The following FOXN2 variants were observed in gnomAD, a reference collection of about 807,000 sequenced individuals.
FOXN2 encodes forkhead box protein N2.
Under a neutral mutation model 41.2 loss-of-function variants are expected in FOXN2, and 19 were observed. That is an observed-to-expected ratio of 0.46 (90% confidence interval 0.32 to 0.68). The LOEUF (loss-of-function observed/expected upper bound fraction) is 0.68. FOXN2 is among the 30% of genes least tolerant of loss of function. The probability of loss-of-function intolerance (pLI) is 0.03; values close to 1 mark genes in which losing one functional copy is unlikely to be tolerated. For missense variants in FOXN2, 587 were observed against 509.4 expected (o/e 1.15, Z -1.47); for synonymous variants, 195 against 176.8 (o/e 1.10, Z -0.82).
intron 2 of FOXN2, chr2:48,340,562 A>T (rs576774319): frequency 2.0e-5 from 3 of 152,204 alleles, no homozygotes; most frequent in African/African-American, 7.2e-5. Context: ...TCTTCTCAAG[A>T]TACCGCCATG....
intron 5 of FOXN2, among the ~76,000 whole-genome samples, chr2:48,370,323 C>T (rs1672807087): frequency 6.6e-6 from 1 of 152,204 alleles, no homozygotes; most frequent in African/African-American, 2.4e-5. Flanking sequence ...TCCTAAAAGA[C>T]AGGAATTGGA....
chr2:48,337,874 A>C (rs983950525), intron 2 of FOXN2, among the ~76,000 whole-genome samples: 12 of 152,338 alleles, frequency 7.9e-5, no homozygotes, highest in African/African-American at 2.6e-4. Flanking sequence ...AAGTTTTTCC[A>C]GTATAGCAGG....
At chr2:48,374,752 A>T (rs533520001) in intron 6 of FOXN2, among the ~76,000 whole-genome samples, 168 bp from the exon 7 acceptor site, 3 of 152,242 alleles carry the variant, frequency 2.0e-5, no homozygotes, top group African/African-American at 7.2e-5. Flanking sequence ...AAATGTTTCA[A>T]ATTAATGCTT....
At chr2:48,359,618 TTTTC>T (rs1558634776) in intron 4 of FOXN2, among the ~76,000 whole-genome samples, 30 of 146,320 alleles carry the variant, frequency 2.1e-4, no homozygotes, top group African/African-American at 6.9e-4. Flanking sequence ...TTTTCTTTTC[TTTTC>T]TTTTTTTAAG....
At chr2:48,372,946 A>G (rs1673007967) in intron 5 of FOXN2, among the ~76,000 whole-genome samples, 1 of 151,084 alleles carries the variant, frequency 6.6e-6, no homozygotes, top group South Asian at 2.1e-4. Flanking sequence ...AGGAGTAACG[A>G]TGTACATTCT....
In FOXN2 at chr2:48,346,247, G is replaced by C. The variant is rs1025746762; in HGVS notation, c.33G>C (p.Lys11Asn). The C allele has an allele frequency of 6.2e-7, 1 of 1,613,040 alleles. No homozygotes were observed. The highest frequency in any genetic ancestry group is 1.3e-5 in the African/African-American group (1 of 74,766). Residue 11 changes from lysine (K) to asparagine (N), a missense_variant, in exon 3 of 7, where the codon AAG (lysine) becomes AAC (asparagine). Transcript: ENST00000340553. Reference protein sequence around the residue: MGPVIGMTPDKRAETPGAEKI... With the variant: MGPVIGMTPDNRAETPGAEKI... ...CAGTAATTGGAATGACTCCAGATAA[G>C]AGAGCTGAAACCCCAGGAGCTGAAA...
chr2:48,319,036 T>C (rs148002750), intron 1 of FOXN2, among the ~76,000 whole-genome samples: 8 of 152,352 alleles, frequency 5.3e-5, no homozygotes, highest in African/African-American at 1.9e-4. Context: ...ATCCCTGGGA[T>C]AGTTTAATTA....
At chr2:48,358,299 A>C (rs140088204) in intron 3 of FOXN2, among the ~76,000 whole-genome samples, 1 of 151,924 alleles carries the variant, frequency 6.6e-6, no homozygotes, top group African/African-American at 2.4e-5. Context: ...ATATTCACCT[A>C]TTTTGCAGCT....
At chr2:48,365,447 A>G (rs1419295132) in intron 5 of FOXN2, among the ~76,000 whole-genome samples, 1 of 152,230 alleles carries the variant, frequency 6.6e-6, no homozygotes, top group Non-Finnish European at 1.5e-5. Flanking sequence ...CAGTTCGTAT[A>G]CATATCTTGA....
At chr2:48,339,857 C>T (rs924977730) in intron 2 of FOXN2, among the ~76,000 whole-genome samples, 1 of 152,064 alleles carries the variant, frequency 6.6e-6, no homozygotes, top group Non-Finnish European at 1.5e-5. Flanking sequence ...CTTGTAATAG[C>T]CCCAAACATA....
chr2:48,362,567 A>T (rs1224365381), intron 4 of FOXN2, 76 bp from the exon 5 acceptor site: 2 of 1,300,722 alleles, frequency 1.5e-6, no homozygotes, highest in Non-Finnish European at 2.2e-6. Context: ...AGTGAGAGAG[A>T]ACCTGTCAAA....
At chr2:48,364,280 G>A (rs1672385123) in intron 5 of FOXN2, among the ~76,000 whole-genome samples, 1 of 151,784 alleles carries the variant, frequency 6.6e-6, no homozygotes, top group Non-Finnish European at 1.5e-5. Context: ...CAGGCCAGAG[G>A]GCAATGGCAC....
intron 5 of FOXN2, among the ~76,000 whole-genome samples, chr2:48,367,679 G>A (rs1404672496): frequency 6.6e-6 from 1 of 152,078 alleles, no homozygotes; most frequent in Non-Finnish European, 1.5e-5. Flanking sequence ...TACACAAATG[G>A]ACTGAGAGTC....
At chr2:48,342,605 A>G (rs1670849364) in intron 2 of FOXN2, among the ~76,000 whole-genome samples, 1 of 152,012 alleles carries the variant, frequency 6.6e-6, no homozygotes, top group East Asian at 1.9e-4. Context: ...TTTGTTTGCT[A>G]TTTGTATTTA....
intron 3 of FOXN2, among the ~76,000 whole-genome samples, chr2:48,357,725 C>T (rs968951045): frequency 2.6e-5 from 4 of 151,868 alleles, no homozygotes; most frequent in Middle Eastern, 3.2e-3. Flanking sequence ...CGTGAGCCAC[C>T]GCACCTGGCC....
chr2:48,368,958 G>GGC (rs1672708958), intron 5 of FOXN2, among the ~76,000 whole-genome samples: 1 of 152,102 alleles, frequency 6.6e-6, no homozygotes, highest in African/African-American at 2.4e-5. Flanking sequence ...ATAAGATACA[G>GGC]GCAAAATCCT....
At chr2:48,369,995 G>C (rs1672782571) in intron 5 of FOXN2, among the ~76,000 whole-genome samples, 1 of 151,044 alleles carries the variant, frequency 6.6e-6, no homozygotes, top group Admixed American at 6.6e-5. Context: ...GGGAGACCTT[G>C]TATCTCAAAA....
chr2:48,319,718 C>T (rs1005822276), intron 1 of FOXN2, among the ~76,000 whole-genome samples: 2 of 150,408 alleles, frequency 1.3e-5, no homozygotes, highest in African/African-American at 4.9e-5. Flanking sequence ...TCAAGTGATC[C>T]TCCTGCCTCA....
intron 4 of FOXN2, among the ~76,000 whole-genome samples, chr2:48,362,384 G>A (rs1672247061): frequency 6.6e-6 from 1 of 152,070 alleles, no homozygotes; most frequent in Non-Finnish European, 1.5e-5. Context: ...TGTACAACAT[G>A]GTAAAACCCT....
Sources: allele counts gnomAD v4.1 joint callset (sites outside exome capture counted in the v4.1 genomes callset), GRCh38; gene constraint gnomAD v4.1.1; transcripts MANE v1.5; gene names NCBI Gene and HGNC (gene_info 2026-07-23, HGNC 2026-07-21).